ACIN1: variants seen among roughly 807,000 people sequenced by gnomAD.
ACIN1 encodes the protein apoptotic chromatin condensation inducer 1.
A neutral mutation model predicts 146.6 loss-of-function variants in ACIN1; 16 were observed. The ratio of observed to expected loss-of-function variants is 0.11; its 90% CI spans 0.07 to 0.17. ACIN1 has a LOEUF of 0.17. Among genes scored for constraint, ACIN1 ranks in the 10% least tolerant of loss-of-function variants. The pLI is 1.00. For missense variants in ACIN1, 1,357 were observed against 1,609.3 expected (o/e 0.84, Z 2.68); for synonymous variants, 569 against 582.7 (o/e 0.98, Z 0.34).
At position 23,079,779 on chromosome 14, in the gene ACIN1, G is replaced by A; in HGVS notation, c.1556C>T (p.Ser519Phe). 1 of 1,614,200 alleles carries A rather than the reference G, an allele frequency of 6.2e-7. No homozygotes were observed. Among genetic ancestry groups the A allele is most frequent in the South Asian group, 1.1e-5 (1 of 91,082 alleles). ...GGAAGATGAGGAGGACCGGCTAGAG[G>A]ATGAATCAGCTGACTGTTTCAATCT... Reference protein sequence around the residue: ...SHRLKQSADSSSSRSSSSSSS... With the variant: ...SHRLKQSADSFSSRSSSSSSS... Residue 519 changes from serine to phenylalanine, a missense_variant, in exon 6 of 19, where the codon TCC becomes TTC. Ser to Phe is a radical substitution (Grantham distance 155). Transcript: ENST00000605057.
chr14:23,079,660 C>T lies in ACIN1; in HGVS notation c.1675G>A (p.Ala559Thr). The change falls in exon 6 of 19, where the codon GCA (alanine) becomes ACA (threonine). Residue 559 changes from alanine (A) to threonine (T), a missense_variant. Transcript: ENST00000605057. The stretch of plus-strand genomic sequence containing the variant: ...CCACGAGGGTTGGCATGAGTACGTG[C>T]CTGGGCTACATCTCTCTGCTTGGAT... ...LRSKQRDVAQ[A>T]RTHANPRGRP... 1 of 1,614,104 alleles carries T rather than the reference C, an allele frequency of 6.2e-7. No homozygotes were observed. The highest frequency in any genetic ancestry group is 1.1e-5 in the South Asian group (1 of 91,078).
At chr14:23,078,678 G>A in intron 7 of ACIN1, 142 bp downstream of exon 7, 2 of 911,490 alleles carry the variant, frequency 2.2e-6, no homozygotes, top group East Asian at 5.4e-5. Context: ...AGCTGGAAAT[G>A]AGTTAAGCAG....
rs1360109713 is a variant in ACIN1, at chr14:23,068,650, G to A, written c.2265+826C>T. 2 of 985,788 alleles carry A rather than the reference G, an allele frequency of 2.0e-6. No individual in the cohort carries two copies. The highest frequency in any genetic ancestry group is 2.4e-6 in the Non-Finnish European group (2 of 829,976). The allele number at this position is 985,788 out of a possible 1,614,324, so 61.1% of individuals were successfully genotyped here. Reference sequence around the variant, plus strand: ...AGTTGGGCAGGGTTATATTTTACGGGCGGATTACCGTACATGAGGTACTTG... The same window carrying A: ...AGTTGGGCAGGGTTATATTTTACGGACGGATTACCGTACATGAGGTACTTG... On this transcript the variant is annotated intron_variant, in intron 9 of 18. Transcript: ENST00000605057. The surrounding 1 kb of genome is among the most constrained non-coding windows in gnomAD (Gnocchi z 4.3).
chr14:23,069,501 C>G lies in ACIN1; in HGVS notation c.2240G>C (p.Ser747Thr). The change falls in exon 9 of 19, where the codon AGT becomes ACT. Residue 747 changes from serine (S) to threonine (T), a missense_variant. Coordinates refer to ENST00000605057, the MANE Select transcript of ACIN1 (RefSeq NM_001386863.1). ...CTCTTTCTTCTCCTCATCTTCAACA[C>G]TGCCCTCCGGGCGGTCATCATTGCT... ...QVSNDDRPEGSVEDEEKKESS... is the reference protein window; with the variant it reads ...QVSNDDRPEGTVEDEEKKESS... 1 of 1,614,092 alleles carries G rather than the reference C, an allele frequency of 6.2e-7. No homozygotes were observed. Among genetic ancestry groups the G allele is most frequent in the Non-Finnish European group, 8.5e-7 (1 of 1,179,956 alleles).
intron 18 of ACIN1, among the ~76,000 whole-genome samples, chr14:23,060,531 A>C (rs1290214075): frequency 6.6e-6 from 1 of 151,270 alleles, no homozygotes; most frequent in African/African-American, 2.4e-5. Flanking sequence ...TAATTGTCTG[A>C]GACAGAGTTT....
At chr14:23,071,244 A>T in intron 8 of ACIN1, 2 of 1,517,452 alleles carry the variant, frequency 1.3e-6, no homozygotes, top group Non-Finnish European at 1.8e-6. Flanking sequence ...AAATAAAGAA[A>T]AAAAACCACA....
chr14:23,068,895 A>C lies in ACIN1; in HGVS notation c.2265+581T>G, dbSNP rs1212004264. ...GGCTCTGATGGGGGAAGCCCCCTGAAGTGGGTGCAGGACACAAGATAACAT... is the reference window on the plus strand; with the variant it reads ...GGCTCTGATGGGGGAAGCCCCCTGACGTGGGTGCAGGACACAAGATAACAT... On this transcript the variant is annotated intron_variant, in intron 9 of 18. Transcript: ENST00000605057. The surrounding 1 kb of genome is among the most constrained non-coding windows in gnomAD (Gnocchi z 4.3). 2.0e-6 allele frequency: 2 copies of C among 985,330 alleles called. No homozygotes were observed. Among genetic ancestry groups the C allele is most frequent in the East Asian group, 2.3e-4 (2 of 8,830 alleles). The allele number at this position is 985,330 out of a possible 1,614,324, so 61.0% of individuals were successfully genotyped here. A position where few individuals can be genotyped will look rare whatever the true frequency, so the allele number is the denominator to read the frequency against.
intron 8 of ACIN1, among the ~76,000 whole-genome samples, chr14:23,076,306 A>G (rs946168299): frequency 3.3e-5 from 5 of 152,234 alleles, no homozygotes; most frequent in Non-Finnish European, 4.4e-5. Flanking sequence ...ACTGCTCCTC[A>G]GTGAAGACTG....
rs201004575 is a variant in ACIN1, at chr14:23,078,866, G to A, written c.1961C>T (p.Pro654Leu). 24 of 1,613,450 alleles carry A rather than the reference G, an allele frequency of 1.5e-5. No homozygotes were observed. Among genetic ancestry groups the A allele is most frequent in the Non-Finnish European group, 2.0e-5 (24 of 1,180,030 alleles). Reference sequence around the variant, plus strand: ...GGTCACATGCTTTTCAGCTGATTCAGGCTGACTCAGACGCCTTGCTTGGAC... The same window carrying A: ...GGTCACATGCTTTTCAGCTGATTCAAGCTGACTCAGACGCCTTGCTTGGAC... The part of the protein sequence containing the change: ...SSVQARRLSQ[P>L]ESAEKHVTQR... Residue 654 changes from proline (P) to leucine (L), a missense_variant, in exon 7 of 19, where the codon CCT (proline) becomes CTT (leucine). By Grantham distance (98) the Pro-to-Leu change is moderately conservative (BLOSUM62 -3). Coordinates refer to ENST00000605057, the MANE Select transcript of ACIN1 (RefSeq NM_001386863.1).
Position 23,061,076 on chromosome 14 carries a change from G to C in ACIN1, c.3525+8C>G. 2 of 1,613,364 alleles carry C rather than the reference G, an allele frequency of 1.2e-6. No homozygotes were observed. The highest frequency in any genetic ancestry group is 3.3e-5 in the Admixed American group (2 of 60,028). On this transcript the variant is annotated splice_region_variant and intron_variant, in intron 18 of 18. Transcript: ENST00000605057. ...ACTAGGGAGCAGGGCACGAAGAAGAGCACTCACCTGGCTGTCAGTCAGTGG... is the reference window on the plus strand; with the variant it reads ...ACTAGGGAGCAGGGCACGAAGAAGACCACTCACCTGGCTGTCAGTCAGTGG...
chr14:23,059,190 C>A lies in ACIN1; in HGVS notation c.3810G>T (p.Arg1270=), dbSNP rs199741090. 6.2e-7 allele frequency: 1 copy of A among 1,614,048 alleles called. No homozygotes were observed. The highest frequency in any genetic ancestry group is 8.5e-7 in the Non-Finnish European group (1 of 1,180,002). ...GGTCCCGCACAGGTGTGCTCCGACT[C>A]CGGCTTCTGCTGTGGCGCTTGGTGT... is the stretch of plus-strand genomic sequence containing the variant. ...RRDTKRHSRS[R]SRSTPVRDRG... is the part of the protein sequence containing the mutation. Residue 1270 remains arginine, a synonymous_variant, in exon 19 of 19, where the codon CGG becomes CGT. Coordinates refer to ENST00000605057, the MANE Select transcript of ACIN1 (RefSeq NM_001386863.1).
chr14:23,079,540 T>C lies in ACIN1; in HGVS notation c.1788+7A>G, dbSNP rs1344119221. ...CATTAATACACCCGGGATTCTCTCA[T>C]ACTCACTTTTCTGCTGTTGCTTGAT... is the stretch of plus-strand genomic sequence containing the variant. On this transcript the variant is annotated splice_region_variant and intron_variant, in intron 6 of 18. Coordinates refer to ENST00000605057, the MANE Select transcript of ACIN1 (RefSeq NM_001386863.1). The C allele has an allele frequency of 6.2e-7, 1 of 1,612,466 alleles. No individual in the cohort carries two copies. Among genetic ancestry groups the C allele is most frequent in the Admixed American group, 1.7e-5 (1 of 59,958 alleles).
In ACIN1 at chr14:23,066,127, G is replaced by A. The variant is rs113890458; in HGVS notation, c.2266-119C>T. On this transcript the variant is annotated intron_variant, in intron 9 of 18. Coordinates refer to ENST00000605057, the MANE Select transcript of ACIN1 (RefSeq NM_001386863.1). The stretch of plus-strand genomic sequence containing the variant: ...CTCCAAAGACACAGATAGAGTGAGA[G>A]AGAGAGACAGAGAGAGACACAGAGA... The A allele has an allele frequency of 4.4e-3, 3,058 of 699,302 alleles. 72 individuals carry two copies. In the African/African-American group the frequency reaches 0.048, roughly 11 times the overall value. 43.3% of individuals were successfully genotyped at this position (699,302 alleles called of 1,614,324 possible). A position where few individuals can be genotyped will look rare whatever the true frequency, so the allele number is the denominator to read the frequency against.
rs755126891 is a variant in ACIN1, at chr14:23,061,290, GTACC to G, written c.3424+4_3424+7del. The G allele has an allele frequency of 2.5e-6, 4 of 1,613,760 alleles. No individual in the cohort carries two copies. Among genetic ancestry groups the G allele is most frequent in the Non-Finnish European group, 3.4e-6 (4 of 1,179,776 alleles). ...GTGGGTATGCGTACCCCATAGCTAA[GTACC>G]TACCTTTCTTCTCACTCTTCTTTTC... On this transcript the variant is annotated splice_donor_5th_base_variant and intron_variant, in intron 17 of 18. Coordinates refer to ENST00000605057, the MANE Select transcript of ACIN1 (RefSeq NM_001386863.1).
chr14:23,070,540 C>T (rs756648073), intron 8 of ACIN1, among the ~76,000 whole-genome samples: 29 of 152,102 alleles, frequency 1.9e-4, no homozygotes, highest in Non-Finnish European at 3.7e-4. Flanking sequence ...GCTCCCATTT[C>T]AGGCAAAGAA....
chr14:23,078,053 AG>A (rs2047844219), intron 8 of ACIN1, 97 bp downstream of exon 8: 1 of 1,061,204 alleles, frequency 9.4e-7, no homozygotes, highest in African/African-American at 1.6e-5. Context: ...ATGTTTTAAA[AG>A]GAAACTAGGA....
At chr14:23,084,876 C>G (rs2048047843) in intron 4 of ACIN1, among the ~76,000 whole-genome samples, 1 of 152,094 alleles carries the variant, frequency 6.6e-6, no homozygotes, top group South Asian at 2.1e-4. Flanking sequence ...ATGAAATACT[C>G]ATTTCATAAT....
Position 23,079,820 on chromosome 14 carries a change from G to C in ACIN1, c.1515C>G (p.Thr505=). Residue 505 remains threonine (T), a synonymous_variant, in exon 6 of 19, where the codon ACC becomes ACG. Coordinates refer to ENST00000605057, the MANE Select transcript of ACIN1 (RefSeq NM_001386863.1). ...GTTTCAATCTGTGGCTTGGGAGAAG[G>C]GTATGAGAAGCTCTTCTGCCTTCCT... ...EQKEGRRASH[T]LLPSHRLKQS... is the part of the protein sequence containing the mutation. The C allele has an allele frequency of 6.2e-7, 1 of 1,614,148 alleles. No individual in the cohort carries two copies. Among genetic ancestry groups the C allele is most frequent in the Middle Eastern group, 1.6e-4 (1 of 6,062 alleles).
chr14:23,081,122 G>A (rs114247391), intron 5 of ACIN1, among the ~76,000 whole-genome samples: 3,459 of 151,900 alleles, frequency 0.023, 141 homozygotes, highest in African/African-American at 0.078. Flanking sequence ...ATAGGGGGCT[G>A]AAAGGAACTA....
Sources: gnomAD v4.1 joint callset for allele counts (sites outside exome capture counted in the v4.1 genomes callset) on GRCh38, gnomAD v4.1.1 for gene constraint, Gnocchi (gnomAD v3.1) non-coding constraint, MANE v1.5 for transcripts, NCBI Gene and HGNC (gene_info 2026-07-23, HGNC 2026-07-21) for gene names.